CCDC148: variants seen among roughly 807,000 people sequenced by gnomAD.
The protein encoded by CCDC148 is coiled-coil domain-containing protein 148.
A neutral mutation model predicts 85.7 loss-of-function variants in CCDC148; 89 were observed. The ratio of observed to expected loss-of-function variants is 1.04; its 90% CI spans 0.87 to 1.24. The LOEUF (loss-of-function observed/expected upper bound fraction) is 1.24. CCDC148 is among the 50% of genes most tolerant of loss of function. The probability of loss-of-function intolerance (pLI) is 0.00; values close to 1 mark genes in which losing one functional copy is unlikely to be tolerated. For missense variants in CCDC148, 692 were observed against 671.7 expected, an observed-to-expected ratio of 1.03 and a Z score of -0.33; for synonymous variants, 230 against 213.9, an observed-to-expected ratio of 1.08 and a Z score of -0.66.
At chr2:158,440,851 A>G (rs1324526884) in intron 1 of CCDC148, among the ~76,000 whole-genome samples, 1 of 152,204 alleles carries the variant, frequency 6.6e-6, no homozygotes, top group African/African-American at 2.4e-5. Context: ...CAGACTGTTC[A>G]TGTATTTTTG....
intron 9 of CCDC148, among the ~76,000 whole-genome samples, chr2:158,263,604 T>G (rs1209095162): frequency 1.3e-5 from 2 of 152,036 alleles, no homozygotes; most frequent in Non-Finnish European, 2.9e-5. Context: ...AGTTGAGACA[T>G]CTTTCTGCTG....
rs7597851 is a variant in CCDC148, at chr2:158,239,973, C to G, written c.1251+10799G>C. ...CTAATAACTAAATAAAAAATACTCC[C>G]TTAAACTTTGCAAGATCACATGTCT... On this transcript the variant is annotated intron_variant, in intron 10 of 13. Coordinates refer to ENST00000283233, the MANE Select transcript of CCDC148 (RefSeq NM_138803.4). Among the ~76,000 whole-genome samples, 854 of 152,142 alleles carry G rather than the reference C, an allele frequency of 5.6e-3. 9 individuals are homozygous for G. The highest frequency in any genetic ancestry group is 0.02 in the African/African-American group (821 of 41,526).
At chr2:158,301,770 G>C (rs1234642389) in intron 9 of CCDC148, among the ~76,000 whole-genome samples, 2 of 152,222 alleles carry the variant, frequency 1.3e-5, no homozygotes, top group African/African-American at 4.8e-5. Flanking sequence ...GAGAGGTCCA[G>C]GAGGATCAGG....
chr2:158,366,073 G>C (rs530929737), intron 1 of CCDC148: 4 of 1,530,192 alleles, frequency 2.6e-6, no homozygotes, highest in Non-Finnish European at 2.6e-6. Context: ...CATGTTTTCC[G>C]TATCTGTTAA....
chr2:158,212,230 T>C (rs766055981), intron 11 of CCDC148, among the ~76,000 whole-genome samples: 1 of 152,218 alleles, frequency 6.6e-6, no homozygotes, highest in Non-Finnish European at 1.5e-5. Flanking sequence ...TGACAGAGAC[T>C]TAATGAACAA....
At chr2:158,221,821 G>A (rs1687198764) in intron 10 of CCDC148, among the ~76,000 whole-genome samples, 2 of 152,130 alleles carry the variant, frequency 1.3e-5, no homozygotes, top group African/African-American at 4.8e-5. Flanking sequence ...CCACTGCAGA[G>A]ATGACAGAGC....
chr2:158,429,837 T>C (rs72999383), intron 1 of CCDC148, among the ~76,000 whole-genome samples: 4,968 of 152,138 alleles, frequency 0.033, 120 homozygotes, highest in African/African-American at 0.063. Flanking sequence ...ACAAGTTGGG[T>C]GGGACTCATG....
intron 9 of CCDC148, among the ~76,000 whole-genome samples, chr2:158,296,935 G>A (rs966780984): frequency 1.3e-5 from 2 of 152,176 alleles, no homozygotes; most frequent in African/African-American, 4.8e-5. Context: ...TGGCACTGAT[G>A]CCTATGGTTC....
intron 2 of CCDC148, among the ~76,000 whole-genome samples, chr2:158,353,743 G>A (rs1442336910): frequency 1.3e-5 from 2 of 152,114 alleles, no homozygotes; most frequent in Non-Finnish European, 2.9e-5. Flanking sequence ...GATATCTACA[G>A]AACTCTCCAC....
At chr2:158,244,738 C>A (rs1392124546) in intron 10 of CCDC148, among the ~76,000 whole-genome samples, 1 of 152,028 alleles carries the variant, frequency 6.6e-6, no homozygotes, top group African/African-American at 2.4e-5. Context: ...ATAATCTGAC[C>A]CAATCGTGGG....
chr2:158,252,399 T>C (rs1688831074), intron 9 of CCDC148, among the ~76,000 whole-genome samples: 1 of 151,698 alleles, frequency 6.6e-6, no homozygotes, highest in East Asian at 1.9e-4. Flanking sequence ...AGATCATCCC[T>C]GCCTTCTGTC....
In CCDC148 at chr2:158,223,544, C is replaced by G. The variant is rs566010082; in HGVS notation, c.1252-2831G>C. Among the ~76,000 whole-genome samples, 3 of 152,256 alleles carry G rather than the reference C, an allele frequency of 2.0e-5. No individual in the cohort carries two copies. In the East Asian group the frequency reaches 5.8e-4, roughly 29 times the overall value. Reference sequence around the variant, plus strand: ...CTCCTCAAGTGGGTCCCTGACCCCCCTGTAGCCTAACTGGGAGGCACCCCC... The same window carrying G: ...CTCCTCAAGTGGGTCCCTGACCCCCGTGTAGCCTAACTGGGAGGCACCCCC... On this transcript the variant is annotated intron_variant, in intron 10 of 13. Coordinates refer to ENST00000283233, the MANE Select transcript of CCDC148 (RefSeq NM_138803.4).
At chr2:158,296,339 T>G (rs1326248123) in intron 9 of CCDC148, among the ~76,000 whole-genome samples, 1 of 152,212 alleles carries the variant, frequency 6.6e-6, no homozygotes, top group African/African-American at 2.4e-5. Flanking sequence ...CCTTTCTTCA[T>G]TGAACTGACT....
chr2:158,250,823 C>T lies in CCDC148; in HGVS notation c.1200G>A (p.Glu400=). The T allele has an allele frequency of 2.5e-6, 4 of 1,602,212 alleles. No homozygotes were observed. The highest frequency in any genetic ancestry group is 3.4e-6 in the Non-Finnish European group (4 of 1,175,908). ...ACAATTCCTTCTTCTTCCACAGTTT[C>T]TCTTTCTCCTCTTCCTTTTCTCTTC... is the stretch of plus-strand genomic sequence containing the variant. ...ARRREKEEEK[E]KLWKKKELLQ... The change falls in exon 10 of 14, where the codon GAG becomes GAA. Residue 400 remains glutamate, a synonymous_variant. Transcript: ENST00000283233.
At chr2:158,328,740 T>G (rs945845610) in intron 7 of CCDC148, among the ~76,000 whole-genome samples, 1 of 152,254 alleles carries the variant, frequency 6.6e-6, no homozygotes, top group Non-Finnish European at 1.5e-5. Context: ...ATTGTGGTTT[T>G]GATTTGCATT....
intron 9 of CCDC148, among the ~76,000 whole-genome samples, chr2:158,263,896 A>G (rs1689344020): frequency 6.6e-6 from 1 of 151,718 alleles, no homozygotes; most frequent in Admixed American, 6.6e-5. Flanking sequence ...GTAAATATAC[A>G]TATTTACATT....
chr2:158,271,612 C>G (rs1574515304), intron 9 of CCDC148, among the ~76,000 whole-genome samples: 1 of 152,124 alleles, frequency 6.6e-6, no homozygotes, highest in Non-Finnish European at 1.5e-5. Flanking sequence ...GTTCATATAA[C>G]TTGTATTGCA....
Position 158,378,636 on chromosome 2 carries a change from T to C in CCDC148, c.26-20066A>G, listed in dbSNP as rs188101025. 2.0e-4 allele frequency among the ~76,000 whole-genome samples: 30 copies of C among 152,254 alleles called. No homozygotes were observed. The East Asian group carries it at 5.2e-3, about 26-fold the overall frequency. ...TCAAAGGACAGGCTGACTTTCTTGT[T>C]AGGGTCTAATGCAGCTGGTGACTTT... On this transcript the variant is annotated intron_variant, in intron 1 of 13. Transcript: ENST00000283233.
intron 11 of CCDC148, among the ~76,000 whole-genome samples, chr2:158,209,027 G>A (rs1686410010): frequency 6.6e-6 from 1 of 151,362 alleles, no homozygotes; most frequent in Non-Finnish European, 1.5e-5. Context: ...TCTGATGGCT[G>A]TATTTATGTA....
Sources: allele counts gnomAD v4.1 joint callset (sites outside exome capture counted in the v4.1 genomes callset), GRCh38; gene constraint gnomAD v4.1.1; transcripts MANE v1.5; gene names NCBI Gene and HGNC (gene_info 2026-07-23, HGNC 2026-07-21).